TERB2: variants seen among roughly 807,000 people sequenced by gnomAD.
TERB2 encodes the protein telomere repeats-binding bouquet formation protein 2.
TERB2 carries 26 observed loss-of-function variants against 29.8 expected under a neutral mutation model. The ratio of observed to expected loss-of-function variants is 0.87; its 90% confidence interval spans 0.64 to 1.21. TERB2 has a LOEUF of 1.21. Ranked by LOEUF, TERB2 falls within the 50% of genes most tolerant of loss-of-function variation. The probability of loss-of-function intolerance (pLI) is 0.00; values close to 1 mark genes in which losing one functional copy is unlikely to be tolerated. For synonymous variants in TERB2, 80 were observed against 90.8 expected, an observed-to-expected ratio of 0.88 and a Z score of 0.68; for missense variants, 240 against 268.6, an observed-to-expected ratio of 0.89 and a Z score of 0.74.
chr15:44,978,455 A>C, intron 6 of TERB2, 34 bp from the exon 7 acceptor site: 1 of 1,545,076 alleles, frequency 6.5e-7, no homozygotes, highest in Non-Finnish European at 8.7e-7. Flanking sequence ...AGCGGGTTTT[A>C]AGTATATATC....
At chr15:44,958,014 T>C (rs1202637452) in intron 2 of TERB2, among the ~76,000 whole-genome samples, 1 of 152,200 alleles carries the variant, frequency 6.6e-6, no homozygotes, top group East Asian at 1.9e-4. Context: ...TCTGACTGCA[T>C]GCACACTCCT....
chr15:44,958,625 T>C (rs1192661601), intron 3 of TERB2, 113 bp downstream of exon 3: 37 of 1,158,898 alleles, frequency 3.2e-5, no homozygotes, highest in Non-Finnish European at 4.1e-5. Context: ...ATTTTTGAAT[T>C]TTGTATCTAT....
intron 6 of TERB2, among the ~76,000 whole-genome samples, chr15:44,975,585 T>C (rs1292060917): frequency 1.3e-5 from 2 of 152,156 alleles, no homozygotes; most frequent in Non-Finnish European, 2.9e-5. Context: ...TTCTCAGTTT[T>C]GGCGCTACTG....
intron 5 of TERB2, among the ~76,000 whole-genome samples, chr15:44,969,260 C>A (rs113586208): frequency 6.6e-6 from 1 of 152,112 alleles, no homozygotes; most frequent in Non-Finnish European, 1.5e-5. Context: ...TGTACCACCC[C>A]GTCTAGCCAA....
At chr15:44,963,140 T>A (rs748691485) in intron 4 of TERB2, among the ~76,000 whole-genome samples, 40 of 152,316 alleles carry the variant, frequency 2.6e-4, no homozygotes, top group Non-Finnish European at 4.7e-4. Flanking sequence ...ATAAGGTCAT[T>A]AATGGATTCT....
At position 44,958,488 on chromosome 15, in the gene TERB2, C is replaced by G. The variant is rs1566944129; in HGVS notation, c.262C>G (p.Leu88Val). Reference protein sequence around the residue: ...KNSVALGHFILPPACLQKEIR... With the variant: ...KNSVALGHFIVPPACLQKEIR... ...CTCGGTGGCTTTGGGTCATTTCATT[C>G]TTCCTCCTGCGTGCCTGCAAAAAGG... The change falls in exon 3 of 7, where the codon CTT (leucine) becomes GTT (valine). Residue 88 changes from leucine to valine, a missense_variant. Physicochemically the swap from Leu to Val is conservative, Grantham distance 32. Transcript: ENST00000340827. 1 of 1,613,462 alleles carries G rather than the reference C, an allele frequency of 6.2e-7. No homozygotes were observed. The highest frequency in any genetic ancestry group is 1.3e-5 in the African/African-American group (1 of 75,040).
chr15:44,963,587 AT>A (rs1891838936), intron 4 of TERB2, among the ~76,000 whole-genome samples: 1 of 151,732 alleles, frequency 6.6e-6, no homozygotes, highest in African/African-American at 2.4e-5. Flanking sequence ...ACTGTATTAC[AT>A]TTTATTTTCT....
In TERB2 at chr15:44,958,359, T is replaced by G; in HGVS notation, c.147-14T>G. 1.3e-6 allele frequency: 2 copies of G among 1,585,302 alleles called. No homozygotes were observed. Among genetic ancestry groups the G allele is most frequent in the South Asian group, 1.2e-5 (1 of 85,978 alleles). On this transcript the variant is annotated splice_polypyrimidine_tract_variant and intron_variant, in intron 2 of 6. Transcript: ENST00000340827. ...TTCTTTCATAACCTAAAATATTTCCTTTCTTTCTCCTAGAATATATCAGAG... is the reference window on the plus strand; with the variant it reads ...TTCTTTCATAACCTAAAATATTTCCGTTCTTTCTCCTAGAATATATCAGAG...
At chr15:44,977,917 T>G (rs1290783297) in intron 6 of TERB2, among the ~76,000 whole-genome samples, 2 of 152,232 alleles carry the variant, frequency 1.3e-5, no homozygotes, top group Non-Finnish European at 2.9e-5. Flanking sequence ...GTCTCCATTC[T>G]AGGCAGTGTT....
chr15:44,969,080 G>C (rs1891930710), intron 5 of TERB2, among the ~76,000 whole-genome samples: 1 of 151,128 alleles, frequency 6.6e-6, no homozygotes, highest in African/African-American at 2.4e-5. Context: ...CGCAGATGTG[G>C]GCCACCACGC....
At position 44,961,549 on chromosome 15, in the gene TERB2, A is replaced by T. The variant is rs1891803558; in HGVS notation, c.313A>T (p.Ile105Phe). ...KEIRRKIGSFIWEQDQHFLIE... is the reference protein window; with the variant it reads ...KEIRRKIGSFFWEQDQHFLIE... ...AATAAGAAGAAAAATTGGTAGTTTT[A>T]TTTGGGAACAAGACCAACATTTTCT... is the stretch of plus-strand genomic sequence containing the variant. Residue 105 changes from isoleucine to phenylalanine, a missense_variant, in exon 4 of 7, where the codon ATT (isoleucine) becomes TTT (phenylalanine). Coordinates refer to ENST00000340827, the MANE Select transcript of TERB2 (RefSeq NM_152448.3). 1.9e-6 allele frequency: 3 copies of T among 1,598,430 alleles called. No individual in the cohort carries two copies. In the East Asian group the frequency reaches 6.8e-5, roughly 36 times the overall value.
rs139666917 is a variant in TERB2 at position 44,957,008 on chromosome 15, T to C, written c.146+31T>C. ...GAGGGCGACCTGGCAGTGCCTCTTATGTTAGGATGAGCCGGGAGTTAGGGA... is the reference window on the plus strand; with the variant it reads ...GAGGGCGACCTGGCAGTGCCTCTTACGTTAGGATGAGCCGGGAGTTAGGGA... On this transcript the variant is annotated intron_variant, in intron 2 of 6. Transcript: ENST00000340827. The C allele has an allele frequency of 1.2e-5, 19 of 1,587,852 alleles. No homozygotes were observed. The Admixed American group carries it at 1.5e-4, about 13-fold the overall frequency.
chr15:44,961,019 C>T lies in TERB2; in HGVS notation c.287-504C>T, dbSNP rs147643817. Among the ~76,000 whole-genome samples the T allele has an allele frequency of 8.7e-3, 1,313 of 151,390 alleles. 15 individuals carry two copies. Among genetic ancestry groups the T allele is most frequent in the Middle Eastern group, 0.025 (7 of 284 alleles). On this transcript the variant is annotated intron_variant, in intron 3 of 6. Transcript: ENST00000340827. ...ATATATCTAATGCATTATATAGATA[C>T]ATATGCATTATATAGAGAGATATAT...
rs1892082008 is a variant in TERB2 at position 44,978,753 on chromosome 15, A to G, written c.*125A>G. 1 of 1,222,644 alleles carries G rather than the reference A, an allele frequency of 8.2e-7. No homozygotes were observed. The highest frequency in any genetic ancestry group is 2.8e-5 in the East Asian group (1 of 35,298). The allele number at this position is 1,222,644 out of a possible 1,614,324, so 75.7% of individuals were successfully genotyped here. A position where few individuals can be genotyped will look rare whatever the true frequency, so the allele number is the denominator to read the frequency against. On this transcript the variant is annotated 3_prime_UTR_variant, in exon 7 of 7. Transcript: ENST00000340827. ...ATGGGAAATAATTTTTCTGTTTCTCAAAGTATATCTTTAGGAAATACAGAA... is the reference window on the plus strand; with the variant it reads ...ATGGGAAATAATTTTTCTGTTTCTCGAAGTATATCTTTAGGAAATACAGAA...
intron 2 of TERB2, 46 bp downstream of exon 2, chr15:44,957,023 G>A (rs1754299475): frequency 6.4e-7 from 1 of 1,561,876 alleles, no homozygotes; most frequent in Non-Finnish European, 8.8e-7. Flanking sequence ...GGATGAGCCG[G>A]GAGTTAGGGA....
chr15:44,975,985 A>G (rs1892041802), intron 6 of TERB2: 1 of 152,238 alleles, frequency 6.6e-6, no homozygotes, highest in African/African-American at 2.4e-5. Context: ...GGAAATCTAC[A>G]GTAGATGCTG....
At chr15:44,965,765 G>T (rs1891879807) in intron 4 of TERB2, among the ~76,000 whole-genome samples, 1 of 151,194 alleles carries the variant, frequency 6.6e-6, no homozygotes, top group Admixed American at 6.6e-5. Context: ...CTAAGTCAAG[G>T]ATTTTAAGGA....
In TERB2 at chr15:44,978,962, CTCTT is replaced by C. The variant is rs374890156; in HGVS notation, c.*338_*341del. On this transcript the variant is annotated 3_prime_UTR_variant, in exon 7 of 7. Transcript: ENST00000340827. ...CTTTCTTGCTTTCTCTTTTCCCTCT[CTCTT>C]TCTCTCCTCCCCTTCTCTCTTTCTG... The C allele has an allele frequency of 1.2e-3, 194 of 159,616 alleles. No individual in the cohort carries two copies. In the South Asian group the frequency reaches 0.016, roughly 13 times the overall value. 9.9% of individuals were successfully genotyped at this position (159,616 alleles called of 1,614,324 possible). A position where few individuals can be genotyped will look rare whatever the true frequency, so the allele number is the denominator to read the frequency against.
intron 6 of TERB2, among the ~76,000 whole-genome samples, 165 bp downstream of exon 6, chr15:44,974,120 A>G (rs1038448820): frequency 6.6e-6 from 1 of 152,174 alleles, no homozygotes; most frequent in Non-Finnish European, 1.5e-5. Flanking sequence ...TACCTGCAGA[A>G]TTGACCCAGG....
Sources: gnomAD v4.1 joint callset for allele counts (sites outside exome capture counted in the v4.1 genomes callset) on GRCh38, gnomAD v4.1.1 for gene constraint, MANE v1.5 for transcripts, NCBI Gene and HGNC (gene_info 2026-07-23, HGNC 2026-07-21) for gene names.